The following XKR6 variants were observed in gnomAD, a reference collection of about 807,000 sequenced individuals.
The protein encoded by XKR6 is XK related 6.
XKR6 carries 22 observed loss-of-function variants against 56.7 expected under a neutral mutation model. That is an observed-to-expected ratio of 0.39 (90% confidence interval 0.28 to 0.55). The LOEUF is 0.55. Ranked by LOEUF, XKR6 falls within the 20% of genes least tolerant of loss-of-function variation. The pLI is 0.66. For missense variants in XKR6, 852 were observed against 889.0 expected, an observed-to-expected ratio of 0.96 and a Z score of 0.53; for synonymous variants, 524 against 387.8, an observed-to-expected ratio of 1.35 and a Z score of -4.13.
At chr8:11,007,772 T>C (rs1020295750) in intron 1 of XKR6, among the ~76,000 whole-genome samples, 1 of 152,220 alleles carries the variant, frequency 6.6e-6, no homozygotes, top group Non-Finnish European at 1.5e-5. Context: ...GCAAGGTGCC[T>C]GCAGTCTATC....
chr8:11,055,902 A>T (rs1799670796), intron 1 of XKR6, among the ~76,000 whole-genome samples: 1 of 152,104 alleles, frequency 6.6e-6, no homozygotes, highest in South Asian at 2.1e-4. Context: ...GATTTCCTTC[A>T]TACCCCCGCT....
In XKR6 at chr8:11,076,991, C is replaced by CATCTCT. The variant is rs554228972; in HGVS notation, c.764+123584_764+123585insAGAGAT. On this transcript the variant is annotated intron_variant, in intron 1 of 2. Coordinates refer to ENST00000416569, the MANE Select transcript of XKR6 (RefSeq NM_173683.4). The stretch of plus-strand genomic sequence containing the variant: ...AGGTGTTTGAGACAAGCCTAGGAAG[C>CATCTCT]ACAGTGAGACCCCATCTCTACAAAA... Among the ~76,000 whole-genome samples the CATCTCT allele has an allele frequency of 1.4e-4, 21 of 152,220 alleles. No individual in the cohort carries two copies. In the South Asian group the frequency reaches 3.5e-3, roughly 26 times the overall value.
chr8:11,012,573 G>A (rs1269313804), intron 1 of XKR6, among the ~76,000 whole-genome samples: 1 of 152,028 alleles, frequency 6.6e-6, no homozygotes, highest in Admixed American at 6.6e-5. Flanking sequence ...CCAGTACCAT[G>A]GGGGAGGAAA....
chr8:11,069,295 G>T (rs1201670694), intron 1 of XKR6, among the ~76,000 whole-genome samples: 1 of 150,978 alleles, frequency 6.6e-6, no homozygotes, highest in Non-Finnish European at 1.5e-5. Flanking sequence ...CTGCCTCCCA[G>T]AAGCCCTGGG....
intron 1 of XKR6, among the ~76,000 whole-genome samples, chr8:11,020,877 T>A (rs1046872249): frequency 6.6e-6 from 1 of 152,204 alleles, no homozygotes; most frequent in Non-Finnish European, 1.5e-5. Context: ...TGAGTAACTA[T>A]CTCTTAGGGC....
chr8:11,064,972 T>G (rs1231923771), intron 1 of XKR6, among the ~76,000 whole-genome samples: 1 of 152,240 alleles, frequency 6.6e-6, no homozygotes, highest in African/African-American at 2.4e-5. Context: ...TTGTTACTCT[T>G]GTAGAAAGTC....
At chr8:11,198,144 C>T (rs778658039) in intron 1 of XKR6, among the ~76,000 whole-genome samples, 1 of 152,166 alleles carries the variant, frequency 6.6e-6, no homozygotes, top group Non-Finnish European at 1.5e-5. Flanking sequence ...TATGTTCAAA[C>T]ACATTGACAA....
chr8:11,030,159 C>T (rs1259709492), intron 1 of XKR6, among the ~76,000 whole-genome samples: 2 of 152,208 alleles, frequency 1.3e-5, no homozygotes, highest in African/African-American at 2.4e-5. Context: ...AGTCCACCCC[C>T]TCTCTGTTGC....
intron 1 of XKR6, among the ~76,000 whole-genome samples, chr8:11,000,846 G>T (rs10090729): frequency 0.044 from 6,644 of 152,180 alleles, 487 homozygotes; most frequent in African/African-American, 0.15. Context: ...GCCGGGAAAG[G>T]AAATTCCCAG....
chr8:10,938,432 A>T (rs1801292988), intron 1 of XKR6, among the ~76,000 whole-genome samples: 1 of 152,204 alleles, frequency 6.6e-6, no homozygotes, highest in Non-Finnish European at 1.5e-5. Flanking sequence ...TCCCCCCAGC[A>T]GTTCTTTTCA....
intron 1 of XKR6, among the ~76,000 whole-genome samples, chr8:11,180,145 A>G (rs1028591125): frequency 3.9e-5 from 6 of 152,208 alleles, no homozygotes; most frequent in Non-Finnish European, 7.3e-5. Context: ...GTCTCAAAAA[A>G]AATTAAAAAT....
chr8:11,040,958 C>T (rs972626050), intron 1 of XKR6, among the ~76,000 whole-genome samples: 6 of 152,242 alleles, frequency 3.9e-5, no homozygotes, highest in African/African-American at 1.4e-4. Flanking sequence ...GTACATCGGG[C>T]AGATACTGAA....
chr8:11,178,552 A>ATATATATATATATATG (rs1563197766), intron 1 of XKR6, among the ~76,000 whole-genome samples: 1,415 of 116,806 alleles, frequency 0.012, 25 homozygotes, highest in Middle Eastern at 0.042. Context: ...GTAAAAATAT[A>ATATATATATATATATG]TATATATATA....
chr8:11,196,529 G>A (rs1221690197), intron 1 of XKR6, among the ~76,000 whole-genome samples: 1 of 152,164 alleles, frequency 6.6e-6, no homozygotes, highest in African/African-American at 2.4e-5. Context: ...AGACACTCAT[G>A]CTTCCAAGGT....
chr8:10,969,153 C>G (rs1802321575), intron 1 of XKR6, among the ~76,000 whole-genome samples: 1 of 152,134 alleles, frequency 6.6e-6, no homozygotes, highest in Non-Finnish European at 1.5e-5. Flanking sequence ...AGAGGTTGAG[C>G]CTGAGAACCG....
rs114516886 is a variant in XKR6, at chr8:11,137,595, C to T, written c.764+62981G>A. 1,134 of 456,208 alleles carry T rather than the reference C, an allele frequency of 2.5e-3. 14 individuals carry two copies. Among genetic ancestry groups the T allele is most frequent in the African/African-American group, 0.021 (1,063 of 50,174 alleles). 28.3% of individuals were successfully genotyped at this position (456,208 alleles called of 1,614,324 possible). A position where few individuals can be genotyped will look rare whatever the true frequency, so the allele number is the denominator to read the frequency against. On this transcript the variant is annotated intron_variant, in intron 1 of 2. Transcript: ENST00000416569. ...CAGCAGGGAGAAGTTCTCTTTAGAA[C>T]CAGCTCTTCTACACCAAATGAACTC...
chr8:10,911,471 A>ATG (rs1264062670), intron 2 of XKR6, among the ~76,000 whole-genome samples: 2 of 146,228 alleles, frequency 1.4e-5, no homozygotes, highest in South Asian at 2.2e-4. Flanking sequence ...GAGAATATGT[A>ATG]TGTGTATATA....
At chr8:11,120,576 A>G (rs1199940948) in intron 1 of XKR6, among the ~76,000 whole-genome samples, 2 of 152,164 alleles carry the variant, frequency 1.3e-5, no homozygotes, top group Non-Finnish European at 2.9e-5. Flanking sequence ...GCTCATGGGT[A>G]GGAAGAATCA....
chr8:11,024,788 G>A (rs149236495), intron 1 of XKR6, among the ~76,000 whole-genome samples: 4 of 152,254 alleles, frequency 2.6e-5, no homozygotes, highest in African/African-American at 9.6e-5. Context: ...CTTAAAGACA[G>A]TGCAGACTAG....
Sources: allele counts gnomAD v4.1 joint callset (sites outside exome capture counted in the v4.1 genomes callset), GRCh38; gene constraint gnomAD v4.1.1; transcripts MANE v1.5; gene names NCBI Gene and HGNC (gene_info 2026-07-23, HGNC 2026-07-21).